Variants in BTG4 observed in about 807,000 individuals in gnomAD.
BTG4 encodes protein BTG4.
A neutral mutation model predicts 19.3 loss-of-function variants in BTG4; 10 were observed. That is an observed-to-expected ratio of 0.52 (90% CI 0.32 to 0.88). BTG4 has a LOEUF of 0.88. BTG4 is among the 40% of genes least tolerant of loss of function. The pLI, the probability that BTG4 is intolerant of heterozygous loss-of-function variation, is 0.04. For synonymous variants in BTG4, 91 were observed against 95.7 expected (o/e 0.95, Z 0.29); for missense variants, 238 against 281.9 (o/e 0.84, Z 1.11).
At chr11:111,484,067 G>C (rs550960307) in intron 5 of BTG4, among the ~76,000 whole-genome samples, 29 of 152,086 alleles carry the variant, frequency 1.9e-4, no homozygotes, top group Non-Finnish European at 1.5e-4. Context: ...AGAGTGGAAT[G>C]ACATTCAAAG....
downstream of BTG4, among the ~76,000 whole-genome samples, chr11:111,467,286 T>A (rs1863777082): frequency 6.6e-6 from 1 of 152,172 alleles, no homozygotes; most frequent in Non-Finnish European, 1.5e-5. Flanking sequence ...AGAGCCAAGG[T>A]TAAAATCTAG....
chr11:111,482,951 T>C (rs1864829717), intron 5 of BTG4, among the ~76,000 whole-genome samples: 2 of 152,040 alleles, frequency 1.3e-5, no homozygotes, highest in South Asian at 4.1e-4. Context: ...TTAAAAGATT[T>C]TGATCTGTGA....
At chr11:111,393,081 A>G in the BTG4 span, among the ~76,000 whole-genome samples, 1 of 152,202 alleles carries the variant, frequency 6.6e-6, no homozygotes, top group Admixed American at 6.5e-5. Context: ...ATTCATGAAC[A>G]TACAATACAC....
the BTG4 span, among the ~76,000 whole-genome samples, chr11:111,399,821 T>A: frequency 4.6e-5 from 7 of 152,078 alleles, no homozygotes; most frequent in African/African-American, 1.7e-4. Flanking sequence ...CAGCTGAGGT[T>A]GGTGGGATGG....
At chr11:111,404,189 A>G in the BTG4 span, among the ~76,000 whole-genome samples, 135 of 152,288 alleles carry the variant, frequency 8.9e-4, no homozygotes, top group African/African-American at 2.2e-3. Flanking sequence ...CATGTAAGAC[A>G]TGCCTTTCAC....
chr11:111,463,444 G>C (rs1388708461), downstream of BTG4: 1 of 152,704 alleles, frequency 6.5e-6, no homozygotes, highest in Non-Finnish European at 1.5e-5. Context: ...GCTCACTGCA[G>C]CGCTAGTAGG....
chr11:111,513,399 C>T, upstream of BTG4: 1 of 534,098 alleles, frequency 1.9e-6, no homozygotes, highest in Non-Finnish European at 3.8e-6. Context: ...CCTGTCACAA[C>T]GTGTTGGGGT....
At chr11:111,500,428 C>T (rs956619555) in intron 1 of BTG4, among the ~76,000 whole-genome samples, 1 of 152,216 alleles carries the variant, frequency 6.6e-6, no homozygotes, top group Admixed American at 6.5e-5. Context: ...CCAGACCTTC[C>T]TTTCTGTGTG....
the BTG4 span, among the ~76,000 whole-genome samples, chr11:111,399,694 G>A: frequency 3.3e-5 from 5 of 152,248 alleles, no homozygotes; most frequent in East Asian, 3.9e-4. Flanking sequence ...CCTTGTTCCC[G>A]GGACAGCAGT....
At chr11:111,491,447 A>T (rs926073970), downstream of BTG4, among the ~76,000 whole-genome samples, 1 of 152,118 alleles carries the variant, frequency 6.6e-6, no homozygotes, top group African/African-American at 2.4e-5. Flanking sequence ...TCAAGATAAA[A>T]ATTTTTTTAA....
the BTG4 span, among the ~76,000 whole-genome samples, chr11:111,445,225 C>T: frequency 0.011 from 1,690 of 152,302 alleles, 28 homozygotes; most frequent in African/African-American, 0.038. Flanking sequence ...TCAGTTTCCT[C>T]ATCTTTAAAA....
At chr11:111,497,975 A>G (rs886079685) in intron 3 of BTG4, 23 bp downstream of exon 3, 18 of 1,610,814 alleles carry the variant, frequency 1.1e-5, no homozygotes, top group Non-Finnish European at 1.4e-5. Context: ...ATCACACAGC[A>G]CACAAACTAT....
the BTG4 span, among the ~76,000 whole-genome samples, chr11:111,445,521 C>G: frequency 1.3e-5 from 2 of 152,166 alleles, no homozygotes; most frequent in African/African-American, 4.8e-5. Flanking sequence ...TCTGTATTCC[C>G]ACAGGACTGA....
At chr11:111,443,601 G>A in the BTG4 span, among the ~76,000 whole-genome samples, 1 of 152,106 alleles carries the variant, frequency 6.6e-6, no homozygotes. Context: ...GGAAAAAAAA[G>A]AGAGACAAAA....
At chr11:111,411,978 A>G in the BTG4 span, among the ~76,000 whole-genome samples, 1 of 152,364 alleles carries the variant, frequency 6.6e-6, no homozygotes, top group South Asian at 2.1e-4. Context: ...AGCAAAATCC[A>G]GTGGAATGGT....
the BTG4 span, among the ~76,000 whole-genome samples, chr11:111,429,224 C>T: frequency 1.3e-5 from 2 of 152,016 alleles, no homozygotes; most frequent in African/African-American, 4.8e-5. Flanking sequence ...GGAGGCGCCC[C>T]CTACTGACAA....
At chr11:111,429,604 T>C in the BTG4 span, among the ~76,000 whole-genome samples, 6 of 152,312 alleles carry the variant, frequency 3.9e-5, no homozygotes, top group South Asian at 1.2e-3. Context: ...AAAAGGGACA[T>C]TTCTGGAGCT....
chr11:111,435,310 G>A, the BTG4 span, among the ~76,000 whole-genome samples: 4 of 152,100 alleles, frequency 2.6e-5, no homozygotes, highest in African/African-American at 7.2e-5. Flanking sequence ...GCACTCGGGG[G>A]TAGTGAGAGA....
the BTG4 span, among the ~76,000 whole-genome samples, chr11:111,392,368 G>A: frequency 6.6e-6 from 1 of 151,780 alleles, no homozygotes; most frequent in Non-Finnish European, 1.5e-5. Context: ...TAGTAGAGAT[G>A]GGGTTTCACC....
Sources: allele counts gnomAD v4.1 joint callset (sites outside exome capture counted in the v4.1 genomes callset), GRCh38; gene constraint gnomAD v4.1.1; transcripts MANE v1.5; gene names NCBI Gene and HGNC (gene_info 2026-07-23, HGNC 2026-07-21).